PPP5C: variants seen among roughly 807,000 people sequenced by gnomAD.
PPP5C encodes the protein protein phosphatase 5 catalytic subunit.
PPP5C carries 21 observed loss-of-function variants against 66.7 expected under a neutral mutation model. That is an observed-to-expected ratio of 0.31 (90% CI 0.22 to 0.45). The LOEUF is 0.45. Among genes scored for constraint, PPP5C ranks in the 20% least tolerant of loss-of-function variants. The pLI is 1.00. For missense variants in PPP5C, 464 were observed against 675.9 expected (o/e 0.69, Z 3.48); for synonymous variants, 246 against 257.4 (o/e 0.96, Z 0.43).
chr19:46,389,759 G>A (rs916050052), intron 11 of PPP5C, among the ~76,000 whole-genome samples: 4 of 152,062 alleles, frequency 2.6e-5, no homozygotes, highest in African/African-American at 9.7e-5. Context: ...TAGAAGCGTG[G>A]TCAGATTCCT....
At chr19:46,384,382 G>T (rs1157952970) in intron 6 of PPP5C, 1 of 255,488 alleles carries the variant, frequency 3.9e-6, no homozygotes, top group Non-Finnish European at 7.7e-6. Context: ...ATTTCCCCGT[G>T]TTATGGTATC....
At chr19:46,356,265 A>G (rs199905265) in intron 2 of PPP5C, among the ~76,000 whole-genome samples, 213 of 152,322 alleles carry the variant, frequency 1.4e-3, no homozygotes, top group African/African-American at 4.5e-3. Context: ...CCACATGAAC[A>G]TGAGGGCTTA....
Position 46,352,616 on chromosome 19 carries a change from C to T in PPP5C, c.122-1132C>T, listed in dbSNP as rs112926937. On this transcript the variant is annotated intron_variant, in intron 1 of 12. Coordinates refer to ENST00000012443, the MANE Select transcript of PPP5C (RefSeq NM_006247.4). ...CAGGAGGATCACGAGGTCAGGAGAT[C>T]GAGACCATCCTGGCTAACACGGTGA... is the stretch of plus-strand genomic sequence containing the variant. Among the ~76,000 whole-genome samples the T allele has an allele frequency of 2.1e-3, 316 of 152,170 alleles. 2 individuals are homozygous for T. The highest frequency in any genetic ancestry group is 7.3e-3 in the African/African-American group (304 of 41,524).
At chr19:46,356,257 A>C (rs1972285053) in intron 2 of PPP5C, among the ~76,000 whole-genome samples, 1 of 152,238 alleles carries the variant, frequency 6.6e-6, no homozygotes, top group South Asian at 2.1e-4. Flanking sequence ...GGGGACCCCC[A>C]CATGAACATG....
At position 46,388,176 on chromosome 19, in the gene PPP5C, G is replaced by T; in HGVS notation, c.1136-232G>T. On this transcript the variant is annotated intron_variant, in intron 9 of 12. Coordinates refer to ENST00000012443, the MANE Select transcript of PPP5C (RefSeq NM_006247.4). The surrounding 1 kb of genome is among the most constrained non-coding windows in gnomAD (Gnocchi z 4.9). Reference sequence around the variant, plus strand: ...CATTGAAAGCTCTATCTGGCTTCGGGGCCACAGGGGATTGAATGGGGTCTG... The same window carrying T: ...CATTGAAAGCTCTATCTGGCTTCGGTGCCACAGGGGATTGAATGGGGTCTG... 1.9e-6 allele frequency: 1 copy of T among 519,104 alleles called. No individual in the cohort carries two copies. The highest frequency in any genetic ancestry group is 3.4e-6 in the Non-Finnish European group (1 of 291,958). 32.2% of individuals were successfully genotyped at this position (519,104 alleles called of 1,614,324 possible). A position where few individuals can be genotyped will look rare whatever the true frequency, so the allele number is the denominator to read the frequency against.
chr19:46,351,941 C>T (rs1166270821), intron 1 of PPP5C, among the ~76,000 whole-genome samples: 1 of 152,208 alleles, frequency 6.6e-6, no homozygotes, highest in Non-Finnish European at 1.5e-5. Context: ...GAAAGATTGC[C>T]AGGAGTTGGC....
At chr19:46,370,599 T>TG (rs1193722844) in intron 2 of PPP5C, among the ~76,000 whole-genome samples, 1 of 152,216 alleles carries the variant, frequency 6.6e-6, no homozygotes, top group Admixed American at 6.5e-5. Flanking sequence ...GTGTGAGTAA[T>TG]GGCGTTGTGC....
At chr19:46,387,332 C>G in intron 8 of PPP5C, 34 bp from the exon 9 acceptor site, 6 of 1,607,778 alleles carry the variant, frequency 3.7e-6, no homozygotes, top group African/African-American at 1.3e-5. Context: ...GTGGGTGGCA[C>G]CTTCCCTCAC....
At chr19:46,360,175 G>A (rs769269387) in intron 2 of PPP5C, among the ~76,000 whole-genome samples, 5 of 152,108 alleles carry the variant, frequency 3.3e-5, no homozygotes, top group Admixed American at 6.5e-5. Flanking sequence ...CAATTGACCA[G>A]GAAATTTGGC....
chr19:46,366,380 CTG>C (rs1972491993), intron 2 of PPP5C, among the ~76,000 whole-genome samples: 1 of 151,994 alleles, frequency 6.6e-6, no homozygotes, highest in Non-Finnish European at 1.5e-5. Context: ...GAATTTTACT[CTG>C]TCACCCAGGC....
intron 2 of PPP5C, among the ~76,000 whole-genome samples, chr19:46,361,312 TGA>T (rs1034691365): frequency 4.6e-5 from 7 of 150,840 alleles, no homozygotes; most frequent in African/African-American, 1.7e-4. Context: ...TGTATTTTTA[TGA>T]GAGACGGGGT....
chr19:46,353,668 G>A (rs897197547), intron 1 of PPP5C, 80 bp from the exon 2 acceptor site: 2 of 1,578,704 alleles, frequency 1.3e-6, no homozygotes, highest in South Asian at 2.3e-5. Context: ...TGTGAACAGG[G>A]AGACTGGGCG....
chr19:46,389,436 CACACACACACACACACACACACA>C (rs1972966881), intron 11 of PPP5C, among the ~76,000 whole-genome samples: 6 of 81,230 alleles, frequency 7.4e-5, no homozygotes, highest in African/African-American at 1.9e-4. Context: ...CACACACACA[CACACACACACACACACACACACA>C]CAGTGTTGAT....
intron 2 of PPP5C, among the ~76,000 whole-genome samples, chr19:46,365,560 T>C (rs73569569): frequency 0.021 from 3,184 of 152,306 alleles, 124 homozygotes; most frequent in African/African-American, 0.072. Flanking sequence ...TGGAATCTCT[T>C]ATCACCTTGT....
intron 7 of PPP5C, among the ~76,000 whole-genome samples, chr19:46,385,226 C>G (rs530558739): frequency 6.6e-6 from 1 of 152,292 alleles, no homozygotes; most frequent in South Asian, 2.1e-4. Context: ...CTAAATCTGG[C>G]ACTAAAGCTG....
intron 4 of PPP5C, among the ~76,000 whole-genome samples, chr19:46,379,698 T>C (rs1478158687): frequency 2.6e-5 from 4 of 152,252 alleles, no homozygotes; most frequent in African/African-American, 4.8e-5. Flanking sequence ...GTTATACTTT[T>C]GAATGTGTGT....
chr19:46,373,314 G>C (rs1972628769), intron 2 of PPP5C, among the ~76,000 whole-genome samples: 1 of 152,254 alleles, frequency 6.6e-6, no homozygotes. Flanking sequence ...TGGGAGAGAA[G>C]GGAATCCTGG....
chr19:46,348,043 G>C (rs1225492704), intron 1 of PPP5C, among the ~76,000 whole-genome samples: 1 of 152,066 alleles, frequency 6.6e-6, no homozygotes, highest in East Asian at 1.9e-4. Flanking sequence ...AGAGAATAAG[G>C]GTTGGAGGCT....
At chr19:46,347,703 C>T (rs773767922) in intron 1 of PPP5C, among the ~76,000 whole-genome samples, 15 of 148,826 alleles carry the variant, frequency 1.0e-4, no homozygotes, top group South Asian at 2.1e-4. Context: ...TGGGCTGACC[C>T]GAGGAAAAGG....
Sources: allele counts gnomAD v4.1 joint callset (sites outside exome capture counted in the v4.1 genomes callset), GRCh38; gene constraint gnomAD v4.1.1; non-coding constraint Gnocchi (gnomAD v3.1); transcripts MANE v1.5; gene names NCBI Gene and HGNC (gene_info 2026-07-23, HGNC 2026-07-21).